Variants in PRKAR1A observed in about 807,000 individuals in gnomAD.
PRKAR1A encodes protein kinase cAMP-dependent type I regulatory subunit alpha.
In PRKAR1A, 3 loss-of-function variants were observed where a neutral mutation model predicts 52.0. The observed-to-expected ratio is 0.06, with a 90% CI of 0.03 to 0.15. The LOEUF (loss-of-function observed/expected upper bound fraction) is 0.15. Among genes scored for constraint, PRKAR1A ranks in the 10% least tolerant of loss-of-function variants. PRKAR1A has a pLI of 1.00. For synonymous variants in PRKAR1A, 188 were observed against 168.4 expected, an observed-to-expected ratio of 1.12 and a Z score of -0.90; for missense variants, 240 against 477.4, an observed-to-expected ratio of 0.50 and a Z score of 4.63.
At chr17:68,540,624 G>C in intron 11 of PRKAR1A, 1 of 641,824 alleles carries the variant, frequency 1.6e-6, no homozygotes, top group South Asian at 1.5e-5. Flanking sequence ...AGGGTGAGAT[G>C]CCTGCCTTAT....
At chr17:68,542,829 G>C (rs201900897) in intron 11 of PRKAR1A, 3 of 1,573,716 alleles carry the variant, frequency 1.9e-6, no homozygotes, top group Non-Finnish European at 2.6e-6. Flanking sequence ...AGGAAGCTCT[G>C]TTCCATCTGA....
the PRKAR1A span, chr17:68,426,254 G>GGCCCCCCCCCCCCCC: frequency 3.7e-6 from 3 of 816,900 alleles, no homozygotes; most frequent in Non-Finnish European, 5.8e-6. Flanking sequence ...GGGAGCGGGG[G>GGCCCCCCCCCCCCCC]CTCAAATAAA....
Position 68,515,522 on chromosome 17 carries a change from T to G in PRKAR1A, c.123T>G (p.Ala41=), listed in dbSNP as rs1307987878. Residue 41 remains alanine (A), a synonymous_variant, in exon 2 of 11, where the codon GCT becomes GCG. Transcript: ENST00000589228. The stretch of plus-strand genomic sequence containing the variant: ...ATTCTATTGTGCAGTTGTGCACTGC[T>G]CGACCTGAGAGACCCATGGCATTCC... ...LKDSIVQLCT[A]RPERPMAFLR... is the part of the protein sequence containing the mutation. The G allele has an allele frequency of 1.2e-6, 2 of 1,613,214 alleles. No homozygotes were observed. Among genetic ancestry groups the G allele is most frequent in the Non-Finnish European group, 1.7e-6 (2 of 1,180,034 alleles).
chr17:68,454,074 C>A, the PRKAR1A span, among the ~76,000 whole-genome samples: 1 of 152,170 alleles, frequency 6.6e-6, no homozygotes. Context: ...TAAAAAAAAT[C>A]TGGTTCTCTT....
the PRKAR1A span, among the ~76,000 whole-genome samples, chr17:68,494,134 C>G: frequency 4.9e-4 from 74 of 152,316 alleles, no homozygotes; most frequent in African/African-American, 1.8e-3. Flanking sequence ...GCTCCCTGTT[C>G]TAGTTGCGGC....
At chr17:68,542,124 T>C in intron 11 of PRKAR1A, 1 of 1,614,088 alleles carries the variant, frequency 6.2e-7, no homozygotes, top group Non-Finnish European at 8.5e-7. Context: ...TACTCCGTCT[T>C]GCACATGTAT....
chr17:68,533,213 T>C lies in PRKAR1A; in HGVS notation c.*2764T>C. The C allele has an allele frequency of 9.5e-7, 1 of 1,057,932 alleles. No individual in the cohort carries two copies. The allele number at this position is 1,057,932 out of a possible 1,614,324, so 65.5% of individuals were successfully genotyped here. ...ATATATAAAGCCTTATTTCTGATGC[T>C]CTTAGATTTCTGAGGAGTGAGATGA... On this transcript the variant is annotated 3_prime_UTR_variant, in exon 11 of 11. Transcript: ENST00000589228.
At chr17:68,433,585 C>T in the PRKAR1A span, 6 of 1,610,066 alleles carry the variant, frequency 3.7e-6, no homozygotes, top group Admixed American at 8.3e-5. Context: ...CCTACAAGCA[C>T]AGCAACACAT....
Position 68,530,846 on chromosome 17 carries a change from T to C in PRKAR1A, c.*397T>C, listed in dbSNP as rs2085955325. On this transcript the variant is annotated 3_prime_UTR_variant, in exon 11 of 11. Transcript: ENST00000589228. ...TCCAGTTATAAGCGTATTTAGACTGTGGCCATATATGCTGTATTTCTTTGT... is the reference window on the plus strand; with the variant it reads ...TCCAGTTATAAGCGTATTTAGACTGCGGCCATATATGCTGTATTTCTTTGT... The C allele has an allele frequency of 8.4e-7, 1 of 1,197,074 alleles. No individual in the cohort carries two copies. The highest frequency in any genetic ancestry group is 3.7e-5 in the East Asian group (1 of 27,000). 74.2% of individuals were successfully genotyped at this position (1,197,074 alleles called of 1,614,324 possible). A position where few individuals can be genotyped will look rare whatever the true frequency, so the allele number is the denominator to read the frequency against.
rs750780505 is a variant in PRKAR1A, at chr17:68,546,168, CAAAAAAAAAAA to C, written c.974-4899_974-4889del. 1.3e-4 allele frequency among the ~76,000 whole-genome samples: 13 copies of C among 98,890 alleles called. No individual in the cohort carries two copies. In the East Asian group the frequency reaches 1.6e-3, roughly 12 times the overall value. The allele number at this position is 98,890 out of a possible 152,430, so 64.9% of individuals were successfully genotyped here. A position where few individuals can be genotyped will look rare whatever the true frequency, so the allele number is the denominator to read the frequency against. ...TGAGCAACAGAGCGAGACTCCATCT[CAAAAAAAAAAA>C]AAAAAAAAAAAAAAAAGCAGCAACT... On this transcript the variant is annotated intron_variant, in intron 11 of 11. Transcript: ENST00000585981.
chr17:68,428,932 G>C, the PRKAR1A span: 1 of 1,612,858 alleles, frequency 6.2e-7, no homozygotes, highest in Non-Finnish European at 8.5e-7. Flanking sequence ...GGCAACTTCT[G>C]GATCCTAAGG....
At chr17:68,494,180 C>T in the PRKAR1A span, among the ~76,000 whole-genome samples, 1 of 152,216 alleles carries the variant, frequency 6.6e-6, no homozygotes, top group Non-Finnish European at 1.5e-5. Flanking sequence ...AACACTCTTT[C>T]CGTTGACGGA....
upstream of PRKAR1A, among the ~76,000 whole-genome samples, chr17:68,509,357 G>A (rs1014019137): frequency 1.3e-5 from 2 of 152,004 alleles, no homozygotes; most frequent in African/African-American, 2.4e-5. Flanking sequence ...TAGAGACGGC[G>A]GTCTCACTGT....
intron 11 of PRKAR1A, chr17:68,542,747 A>G (rs1336880005): frequency 1.2e-6 from 2 of 1,614,124 alleles, no homozygotes; most frequent in Admixed American, 1.7e-5. Flanking sequence ...GACCTCTAGG[A>G]TTTCCTTGGT....
the PRKAR1A span, among the ~76,000 whole-genome samples, chr17:68,432,611 C>T: frequency 6.6e-6 from 1 of 152,068 alleles, no homozygotes; most frequent in African/African-American, 2.4e-5. Flanking sequence ...GATAAGGTGC[C>T]CGGCCTCTGT....
the PRKAR1A span, among the ~76,000 whole-genome samples, chr17:68,439,582 G>A: frequency 2.0e-5 from 3 of 152,164 alleles, no homozygotes; most frequent in South Asian, 4.1e-4. Flanking sequence ...TATACCAAAA[G>A]CTATTGAACC....
chr17:68,493,022 A>G, the PRKAR1A span, among the ~76,000 whole-genome samples: 2 of 152,000 alleles, frequency 1.3e-5, no homozygotes, highest in Non-Finnish European at 2.9e-5. Context: ...CTTTGGGTAT[A>G]TACCCAGTGA....
At chr17:68,509,996 C>T (rs1232799493), upstream of PRKAR1A, among the ~76,000 whole-genome samples, 1 of 152,158 alleles carries the variant, frequency 6.6e-6, no homozygotes, top group African/African-American at 2.4e-5. Context: ...TTCTTAGTGT[C>T]TTAACTGCAC....
chr17:68,437,947 TTAAAAAAAAAAA>T, the PRKAR1A span, among the ~76,000 whole-genome samples: 2 of 58,786 alleles, frequency 3.4e-5, no homozygotes, highest in African/African-American at 7.3e-5. Flanking sequence ...GACATCTCTC[TTAAAAAAAAAAA>T]AAAAAAAAAA....
Sources: allele counts gnomAD v4.1 joint callset (sites outside exome capture counted in the v4.1 genomes callset), GRCh38; gene constraint gnomAD v4.1.1; transcripts MANE v1.5; gene names NCBI Gene and HGNC (gene_info 2026-07-23, HGNC 2026-07-21).